Variants in MLLT3 observed in about 807,000 individuals in gnomAD.
The protein encoded by MLLT3 is MLLT3 super elongation complex subunit, also known as protein AF-9.
In MLLT3, 4 loss-of-function variants were observed where a neutral mutation model predicts 53.2. The observed-to-expected ratio is 0.08, with a 90% CI of 0.04 to 0.17. The LOEUF (loss-of-function observed/expected upper bound fraction) is 0.17. MLLT3 is among the 10% of genes least tolerant of loss of function. MLLT3 has a pLI of 1.00. For missense variants in MLLT3, 569 were observed against 684.0 expected (o/e 0.83, Z 1.87); for synonymous variants, 283 against 230.6 (o/e 1.23, Z -2.06).
chr9:20,362,413 T>C (rs942499820), intron 7 of MLLT3, among the ~76,000 whole-genome samples: 20 of 152,210 alleles, frequency 1.3e-4, no homozygotes, highest in Non-Finnish European at 2.4e-4. Context: ...TACTTTAAGT[T>C]TCAGTCCATT....
intron 2 of MLLT3, among the ~76,000 whole-genome samples, chr9:20,489,819 A>C (rs1214980147): frequency 6.6e-6 from 1 of 152,186 alleles, no homozygotes; most frequent in Admixed American, 6.5e-5. Context: ...CCTAGGGGAA[A>C]AGTTAAAGGG....
At chr9:20,462,767 C>G (rs976711047) in intron 2 of MLLT3, among the ~76,000 whole-genome samples, 1 of 152,154 alleles carries the variant, frequency 6.6e-6, no homozygotes, top group Admixed American at 6.5e-5. Context: ...CCCACACCTC[C>G]TCTCGTTCCT....
Position 20,433,911 on chromosome 9 carries a change from G to C in MLLT3, c.420+14212C>G, listed in dbSNP as rs555202421. Among the ~76,000 whole-genome samples, 16 of 150,862 alleles carry C rather than the reference G, an allele frequency of 1.1e-4. No homozygotes were observed. In the South Asian group the frequency reaches 1.9e-3, roughly 18 times the overall value. The stretch of plus-strand genomic sequence containing the variant: ...GAGCAGATCATGAGGTCAAGAGATC[G>C]AGACCATACTGGCCAACATGATGAA... On this transcript the variant is annotated intron_variant, in intron 4 of 10. Coordinates refer to ENST00000380338, the MANE Select transcript of MLLT3 (RefSeq NM_004529.4).
intron 5 of MLLT3, among the ~76,000 whole-genome samples, chr9:20,393,790 A>T (rs1289026101): frequency 6.6e-6 from 1 of 152,202 alleles, no homozygotes; most frequent in Non-Finnish European, 1.5e-5. Context: ...TCTAACAAGA[A>T]CAGGTAAAAC....
At chr9:20,436,528 T>C (rs1289032579) in intron 4 of MLLT3, among the ~76,000 whole-genome samples, 1 of 152,208 alleles carries the variant, frequency 6.6e-6, no homozygotes, top group Non-Finnish European at 1.5e-5. Context: ...GATTGCTCCA[T>C]TGGTCCTAAT....
intron 2 of MLLT3, among the ~76,000 whole-genome samples, chr9:20,500,648 G>A (rs1825199978): frequency 6.6e-6 from 1 of 152,180 alleles, no homozygotes; most frequent in African/African-American, 2.4e-5. Flanking sequence ...CTAAGGCAAA[G>A]CTATACACTG....
intron 2 of MLLT3, among the ~76,000 whole-genome samples, chr9:20,477,131 T>C (rs1268563608): frequency 6.6e-6 from 1 of 152,150 alleles, no homozygotes; most frequent in Non-Finnish European, 1.5e-5. Flanking sequence ...ACACAAGCTT[T>C]AGATGTCTTG....
At chr9:20,583,741 C>A (rs924477381) in intron 2 of MLLT3, among the ~76,000 whole-genome samples, 2 of 152,162 alleles carry the variant, frequency 1.3e-5, no homozygotes, top group African/African-American at 4.8e-5. Context: ...ACACAGGACA[C>A]CAAGTCCCTA....
intron 2 of MLLT3, among the ~76,000 whole-genome samples, chr9:20,526,093 T>C (rs972764061): frequency 5.3e-5 from 8 of 152,232 alleles, no homozygotes; most frequent in East Asian, 1.9e-4. Flanking sequence ...TACTAGGGTA[T>C]AAAAATCACG....
At chr9:20,498,415 C>T (rs978214342) in intron 2 of MLLT3, among the ~76,000 whole-genome samples, 2 of 151,918 alleles carry the variant, frequency 1.3e-5, no homozygotes, top group African/African-American at 4.8e-5. Flanking sequence ...TCTTGTGCTT[C>T]TTTCACATCT....
intron 2 of MLLT3, among the ~76,000 whole-genome samples, chr9:20,596,094 G>A (rs1820254366): frequency 6.6e-6 from 1 of 152,116 alleles, no homozygotes; most frequent in Admixed American, 6.5e-5. Context: ...TTAAATTATG[G>A]GCAGGCTTAA....
chr9:20,610,355 A>G (rs1032595891), intron 2 of MLLT3, among the ~76,000 whole-genome samples: 1 of 152,116 alleles, frequency 6.6e-6, no homozygotes, highest in Non-Finnish European at 1.5e-5. Flanking sequence ...AAAGAGAAAA[A>G]TTCATTTTTG....
At chr9:20,362,489 T>C (rs972646779) in intron 7 of MLLT3, among the ~76,000 whole-genome samples, 3 of 152,160 alleles carry the variant, frequency 2.0e-5, no homozygotes, top group African/African-American at 7.2e-5. Flanking sequence ...GGAAATGTTA[T>C]AAGGCCATGG....
At chr9:20,589,954 C>T (rs1820085171) in intron 2 of MLLT3, among the ~76,000 whole-genome samples, 2 of 152,134 alleles carry the variant, frequency 1.3e-5, no homozygotes, top group Non-Finnish European at 2.9e-5. Flanking sequence ...CGTGATCCAC[C>T]TGCCTCGGCC....
At chr9:20,568,390 T>C (rs1411602860) in intron 2 of MLLT3, among the ~76,000 whole-genome samples, 1 of 152,192 alleles carries the variant, frequency 6.6e-6, no homozygotes, top group Non-Finnish European at 1.5e-5. Flanking sequence ...AATAAAATGC[T>C]AATACCTCTT....
chr9:20,571,728 G>A lies in MLLT3; in HGVS notation c.193+48926C>T, dbSNP rs994042804. On this transcript the variant is annotated intron_variant, in intron 2 of 10. Coordinates refer to ENST00000380338, the MANE Select transcript of MLLT3 (RefSeq NM_004529.4). ...TTAAAATGGGCAAAGGACCTGAAAAGACATTCTAAAAGACAAAACAAATGG... is the reference window on the plus strand; with the variant it reads ...TTAAAATGGGCAAAGGACCTGAAAAAACATTCTAAAAGACAAAACAAATGG... Among the ~76,000 whole-genome samples the A allele has an allele frequency of 2.0e-5, 3 of 152,058 alleles. No homozygotes were observed. The South Asian group carries it at 6.2e-4, about 32-fold the overall frequency.
intron 2 of MLLT3, among the ~76,000 whole-genome samples, chr9:20,491,642 T>C (rs1211990819): frequency 1.3e-5 from 2 of 152,104 alleles, no homozygotes; most frequent in African/African-American, 4.8e-5. Flanking sequence ...AGAGACTCAG[T>C]CAAAACTCAA....
At chr9:20,603,695 G>A (rs1044636123) in intron 2 of MLLT3, among the ~76,000 whole-genome samples, 1 of 152,038 alleles carries the variant, frequency 6.6e-6, no homozygotes, top group African/African-American at 2.4e-5. Flanking sequence ...GAGATGGCTG[G>A]AAAGTCCGTT....
chr9:20,480,614 C>G (rs1586982011), intron 2 of MLLT3, among the ~76,000 whole-genome samples: 1 of 152,332 alleles, frequency 6.6e-6, no homozygotes, highest in South Asian at 2.1e-4. Flanking sequence ...GTCTTCCGAG[C>G]TAGGCACTTC....
Sources: allele counts gnomAD v4.1 joint callset (sites outside exome capture counted in the v4.1 genomes callset), GRCh38; gene constraint gnomAD v4.1.1; transcripts MANE v1.5; gene names NCBI Gene and HGNC (gene_info 2026-07-23, HGNC 2026-07-21).